FAM222B: variants seen among roughly 807,000 people sequenced by gnomAD.
The protein encoded by FAM222B is family with sequence similarity 222 member B.
FAM222B carries 12 observed loss-of-function variants against 38.0 expected under a neutral mutation model. The ratio of observed to expected loss-of-function variants is 0.32; its 90% CI spans 0.20 to 0.51. FAM222B has a LOEUF of 0.51. FAM222B is among the 20% of genes least tolerant of loss of function. FAM222B has a pLI of 0.97. For synonymous variants in FAM222B, 329 were observed against 317.2 expected (o/e 1.04, Z -0.40); for missense variants, 716 against 754.2 (o/e 0.95, Z 0.59).
chr17:28,772,233 G>T (rs2035667623), intron 1 of FAM222B, among the ~76,000 whole-genome samples: 1 of 152,036 alleles, frequency 6.6e-6, no homozygotes, highest in African/African-American at 2.4e-5. Flanking sequence ...TTTTTGGAAA[G>T]AACCAATCTT....
chr17:28,795,666 A>C (rs1372985989), intron 1 of FAM222B, among the ~76,000 whole-genome samples: 1 of 152,080 alleles, frequency 6.6e-6, no homozygotes, highest in African/African-American at 2.4e-5. Context: ...TCCTGGGTTT[A>C]AGCAATCCAC....
intron 1 of FAM222B, among the ~76,000 whole-genome samples, chr17:28,847,934 A>AAAAG: frequency 6.6e-6 from 1 of 151,702 alleles, no homozygotes; most frequent in African/African-American, 2.4e-5. Flanking sequence ...AAAAGAAAAG[A>AAAAG]AAAGAAAGAA....
At chr17:28,835,893 T>G (rs1031920309) in intron 1 of FAM222B, among the ~76,000 whole-genome samples, 5 of 152,142 alleles carry the variant, frequency 3.3e-5, no homozygotes, top group African/African-American at 1.2e-4. Flanking sequence ...CAGGCTGGTC[T>G]GGAACTCCTG....
rs958687276 is a variant in FAM222B at position 28,834,798 on chromosome 17, C to T, written c.-41+7884G>A. 127 of 150,360 alleles carry T rather than the reference C, an allele frequency of 8.4e-4. 1 individual carries two copies. The highest frequency in any genetic ancestry group is 3.4e-3 in the Middle Eastern group (1 of 290). The allele number at this position is 150,360 out of a possible 1,614,324, so 9.3% of individuals were successfully genotyped here. ...AATTTCTTTGTTGCTTCTTCATTCC[C>T]ACTGCTTCACTTGGCTAGCCTTAAA... On this transcript the variant is annotated intron_variant, in intron 1 of 2. Coordinates refer to ENST00000581407, the MANE Select transcript of FAM222B (RefSeq NM_001077498.3).
At chr17:28,799,012 G>A (rs989371300) in intron 1 of FAM222B, among the ~76,000 whole-genome samples, 1 of 140,930 alleles carries the variant, frequency 7.1e-6, no homozygotes, top group African/African-American at 2.6e-5. Context: ...GTCTCACTCT[G>A]TTGACAGGAT....
At position 28,757,237 on chromosome 17, in the gene FAM222B, G is replaced by C. The variant is rs2034744230; in HGVS notation, c.*1033C>G. Reference sequence around the variant, plus strand: ...TTTTCCTTCATTAAACTGAGGGGCTGCACTAGAGGGTGAATGTACCTGTGG... The same window carrying C: ...TTTTCCTTCATTAAACTGAGGGGCTCCACTAGAGGGTGAATGTACCTGTGG... On this transcript the variant is annotated 3_prime_UTR_variant, in exon 3 of 3. Coordinates refer to ENST00000581407, the MANE Select transcript of FAM222B (RefSeq NM_001077498.3). 6.6e-6 allele frequency: 1 copy of C among 152,538 alleles called. No homozygotes were observed. Among genetic ancestry groups the C allele is most frequent in the Non-Finnish European group, 1.5e-5 (1 of 68,038 alleles). 9.4% of individuals were successfully genotyped at this position (152,538 alleles called of 1,614,324 possible).
intron 1 of FAM222B, among the ~76,000 whole-genome samples, chr17:28,820,447 G>T (rs1046309036): frequency 6.6e-6 from 1 of 152,102 alleles, no homozygotes; most frequent in African/African-American, 2.4e-5. Context: ...TGTCTTTAAG[G>T]TGTTACCTAT....
intron 1 of FAM222B, chr17:28,854,790 G>GA (rs1398574720): frequency 1.7e-5 from 7 of 401,728 alleles, no homozygotes; most frequent in Non-Finnish European, 3.1e-5. Context: ...TTTGGCAGAA[G>GA]AAAAAAATAC....
chr17:28,768,795 C>CA (rs1287453913), intron 1 of FAM222B, among the ~76,000 whole-genome samples: 4 of 147,634 alleles, frequency 2.7e-5, no homozygotes, highest in African/African-American at 1.0e-4. Flanking sequence ...GAGGCTGCGC[C>CA]ACTGCACTCC....
rs561463978 is a variant in FAM222B, at chr17:28,830,823, T to TA, written c.-41+11858dup. Reference sequence around the variant, plus strand: ...CAACATGGCAAAACCCCATCTCTATTAAAAAAAAAATAAAATAAAATAAAG... The same window carrying TA: ...CAACATGGCAAAACCCCATCTCTATTAAAAAAAAAAATAAAATAAAATAAAG... On this transcript the variant is annotated intron_variant, in intron 1 of 2. Coordinates refer to ENST00000581407, the MANE Select transcript of FAM222B (RefSeq NM_001077498.3). Among the ~76,000 whole-genome samples, 673 of 147,284 alleles carry TA rather than the reference T, an allele frequency of 4.6e-3. 1 individual carries two copies. Among genetic ancestry groups the TA allele is most frequent in the South Asian group, 0.011 (53 of 4,674 alleles).
chr17:28,788,706 C>A (rs570024171), intron 1 of FAM222B, among the ~76,000 whole-genome samples: 1 of 152,014 alleles, frequency 6.6e-6, no homozygotes. Context: ...TCTAAAGATG[C>A]CCAAATAATT....
intron 1 of FAM222B, among the ~76,000 whole-genome samples, chr17:28,789,523 G>A (rs983618607): frequency 2.0e-5 from 3 of 151,950 alleles, no homozygotes; most frequent in African/African-American, 7.3e-5. Context: ...TCTCTCTTTG[G>A]GACCTCCCTT....
intron 1 of FAM222B, among the ~76,000 whole-genome samples, chr17:28,832,289 T>G (rs535519897): frequency 3.9e-5 from 6 of 152,302 alleles, no homozygotes; most frequent in African/African-American, 1.4e-4. Context: ...TTCTAAAGTT[T>G]TACTTGCACA....
chr17:28,771,932 C>G (rs2151805040), intron 1 of FAM222B, among the ~76,000 whole-genome samples: 1 of 152,234 alleles, frequency 6.6e-6, no homozygotes. Context: ...TGGCGGGCAC[C>G]TGCAGTCCCA....
At chr17:28,769,654 G>C (rs2035528054) in intron 1 of FAM222B, among the ~76,000 whole-genome samples, 1 of 152,142 alleles carries the variant, frequency 6.6e-6, no homozygotes, top group Non-Finnish European at 1.5e-5. Flanking sequence ...TTCCATCTAA[G>C]AATAAAATAC....
At chr17:28,767,405 A>T (rs1769964619) in intron 1 of FAM222B, among the ~76,000 whole-genome samples, 3 of 150,830 alleles carry the variant, frequency 2.0e-5, no homozygotes, top group Admixed American at 1.3e-4. Context: ...TGATCCGCCC[A>T]CCTCGGCCTC....
At chr17:28,847,178 G>T (rs2039150816), upstream of FAM222B, among the ~76,000 whole-genome samples, 1 of 151,270 alleles carries the variant, frequency 6.6e-6, no homozygotes, top group South Asian at 2.1e-4. Context: ...AGCCGAGATA[G>T]TGCCATTGCA....
Position 28,759,897 on chromosome 17 carries a change from G to A in FAM222B, c.83-21C>T, listed in dbSNP as rs1236508583. 1 of 1,500,528 alleles carries A rather than the reference G, an allele frequency of 6.7e-7. No individual in the cohort carries two copies. The highest frequency in any genetic ancestry group is 1.4e-5 in the African/African-American group (1 of 71,856). 93.0% of individuals were successfully genotyped at this position (1,500,528 alleles called of 1,614,324 possible). The stretch of plus-strand genomic sequence containing the variant: ...GTCCCCTAGAGAGAGAGAATGGGAA[G>A]GAGAGCAAAGAGGGAGAGGGAGCTC... On this transcript the variant is annotated intron_variant, in intron 2 of 2. Coordinates refer to ENST00000581407, the MANE Select transcript of FAM222B (RefSeq NM_001077498.3). The surrounding 1 kb of genome is among the most constrained non-coding windows in gnomAD (Gnocchi z 4.8).
intron 1 of FAM222B, among the ~76,000 whole-genome samples, chr17:28,814,540 AC>A (rs1341158231): frequency 2.0e-5 from 3 of 151,696 alleles, no homozygotes; most frequent in Non-Finnish European, 4.4e-5. Flanking sequence ...TGTAATCTTG[AC>A]TCACTGCAAC....
Sources: gnomAD v4.1 joint callset for allele counts (sites outside exome capture counted in the v4.1 genomes callset) on GRCh38, gnomAD v4.1.1 for gene constraint, Gnocchi (gnomAD v3.1) non-coding constraint, MANE v1.5 for transcripts, NCBI Gene and HGNC (gene_info 2026-07-23, HGNC 2026-07-21) for gene names.